The following ASH1L variants were observed in gnomAD, a reference collection of about 807,000 sequenced individuals.
ASH1L encodes ASH1 like histone lysine methyltransferase.
In ASH1L, 23 loss-of-function variants were observed where a neutral mutation model predicts 269.0. The observed-to-expected ratio is 0.09, with a 90% CI of 0.06 to 0.12. The LOEUF is 0.12. Among genes scored for constraint, ASH1L ranks in the 10% least tolerant of loss-of-function variants. The pLI, the probability that ASH1L is intolerant of heterozygous loss-of-function variation, is 1.00. For synonymous variants in ASH1L, 1,187 were observed against 1,253.5 expected (o/e 0.95, Z 1.12); for missense variants, 2,912 against 3,567.8 (o/e 0.82, Z 4.68).
intron 12 of ASH1L, among the ~76,000 whole-genome samples, chr1:155,365,209 CTTTG>C (rs1218619575): frequency 6.6e-6 from 1 of 151,664 alleles, no homozygotes; most frequent in African/African-American, 2.4e-5. Flanking sequence ...TTACTGACAG[CTTTG>C]TTTTTTTTTG....
chr1:155,479,240 T>A lies in ASH1L; in HGVS notation c.3630A>T (p.Thr1210=). ...CACAAAATTTCTCTGCCCTGTCTGATGTGCTGTTATTATCTGTTCCAATTC... is the reference window on the plus strand; with the variant it reads ...CACAAAATTTCTCTGCCCTGTCTGAAGTGCTGTTATTATCTGTTCCAATTC... The part of the protein sequence containing the change: ...DSGIGTDNNS[T]SDRAEKFCGQ... Residue 1210 remains threonine (T), a synonymous_variant, in exon 3 of 28, where the codon ACA becomes ACT. Transcript: ENST00000392403. The A allele has an allele frequency of 6.2e-7, 1 of 1,614,076 alleles. No individual in the cohort carries two copies. The highest frequency in any genetic ancestry group is 8.5e-7 in the Non-Finnish European group (1 of 1,180,004).
At chr1:155,344,385 C>T (rs890727055) in intron 21 of ASH1L, 112 bp from the exon 22 acceptor site, 1 of 755,932 alleles carries the variant, frequency 1.3e-6, no homozygotes, top group Non-Finnish European at 2.2e-6. Context: ...TTTCAATATA[C>T]CACAGATATA....
intron 4 of ASH1L, among the ~76,000 whole-genome samples, chr1:155,440,968 C>T (rs1662511533): frequency 6.6e-6 from 1 of 152,092 alleles, no homozygotes; most frequent in African/African-American, 2.4e-5. Context: ...AAGCTCAGGC[C>T]ACATCATTTA....
At chr1:155,417,071 C>T (rs1660279387) in intron 5 of ASH1L, among the ~76,000 whole-genome samples, 1 of 151,334 alleles carries the variant, frequency 6.6e-6, no homozygotes, top group African/African-American at 2.4e-5. Flanking sequence ...AGCTGGGATT[C>T]CAGGCATGTG....
At chr1:155,436,800 T>C (rs1662137301) in intron 5 of ASH1L, among the ~76,000 whole-genome samples, 1 of 151,960 alleles carries the variant, frequency 6.6e-6, no homozygotes, top group Admixed American at 6.6e-5. Flanking sequence ...TGGCCAAGAG[T>C]TTCTGGTTTT....
At chr1:155,410,729 T>C (rs1659694896) in intron 6 of ASH1L, among the ~76,000 whole-genome samples, 1 of 151,462 alleles carries the variant, frequency 6.6e-6, no homozygotes, top group African/African-American at 2.4e-5. Flanking sequence ...TCACCAAGAA[T>C]GATATACAGG....
chr1:155,487,943 AGTGGCG>A (rs1666439005), intron 2 of ASH1L, among the ~76,000 whole-genome samples: 1 of 149,510 alleles, frequency 6.7e-6, no homozygotes, highest in Admixed American at 6.7e-5. Flanking sequence ...GCAGGAGCGC[AGTGGCG>A]CCATCTCGGC....
In ASH1L at chr1:155,343,187, G is replaced by T; in HGVS notation, c.8293+127C>A. On this transcript the variant is annotated intron_variant, in intron 24 of 27. Transcript: ENST00000392403. The surrounding 1 kb of genome is among the most constrained non-coding windows in gnomAD (Gnocchi z 6.1). ...ACAGAGGCAGAGTTTTGCCACGTTGGCCAGGCTGGTCTCACACTCCTGGGC... is the reference window on the plus strand; with the variant it reads ...ACAGAGGCAGAGTTTTGCCACGTTGTCCAGGCTGGTCTCACACTCCTGGGC... 2.0e-6 allele frequency: 2 copies of T among 1,016,686 alleles called. No homozygotes were observed. The highest frequency in any genetic ancestry group is 2.5e-5 in the East Asian group (1 of 40,450). The allele number at this position is 1,016,686 out of a possible 1,614,324, so 63.0% of individuals were successfully genotyped here. A position where few individuals can be genotyped will look rare whatever the true frequency, so the allele number is the denominator to read the frequency against.
intron 7 of ASH1L, among the ~76,000 whole-genome samples, chr1:155,393,986 A>G (rs1658157235): frequency 6.6e-6 from 1 of 152,218 alleles, no homozygotes; most frequent in South Asian, 2.1e-4. Context: ...GAGGAGCCAA[A>G]TAAATATTGT....
intron 1 of ASH1L, among the ~76,000 whole-genome samples, chr1:155,544,749 T>C (rs1052110293): frequency 3.3e-5 from 5 of 152,118 alleles, no homozygotes; most frequent in African/African-American, 1.2e-4. Flanking sequence ...AAAGGATTAA[T>C]ATATCTTAAT....
At chr1:155,403,907 T>C (rs1456571410) in intron 6 of ASH1L, among the ~76,000 whole-genome samples, 2 of 138,628 alleles carry the variant, frequency 1.4e-5, no homozygotes, top group Admixed American at 1.5e-4. Context: ...AAAAAAAAAA[T>C]AGCCAGGTAT....
chr1:155,512,419 A>C (rs578147198), intron 2 of ASH1L, among the ~76,000 whole-genome samples: 3 of 149,292 alleles, frequency 2.0e-5, no homozygotes, highest in East Asian at 2.0e-4. Context: ...TCTGTCTTTT[A>C]AAAAAAAAGA....
intron 1 of ASH1L, among the ~76,000 whole-genome samples, chr1:155,554,156 T>C (rs1671419488): frequency 6.6e-6 from 1 of 150,922 alleles, no homozygotes; most frequent in East Asian, 2.0e-4. Flanking sequence ...GCGATTACAG[T>C]TTACTGCAGC....
intron 1 of ASH1L, among the ~76,000 whole-genome samples, chr1:155,551,276 C>CGG (rs201056970): frequency 2.0e-5 from 3 of 151,558 alleles, no homozygotes; most frequent in East Asian, 3.9e-4. Flanking sequence ...ATCTTTTCCT[C>CGG]GGGGGGGAAA....
At chr1:155,409,550 C>A (rs1027312594) in intron 6 of ASH1L, among the ~76,000 whole-genome samples, 1 of 152,240 alleles carries the variant, frequency 6.6e-6, no homozygotes. Context: ...AATGCTGGGA[C>A]AATAAGTGGG....
chr1:155,479,159 G>C lies in ASH1L; in HGVS notation c.3711C>G (p.Thr1237=), dbSNP rs1665776995. 6.2e-7 allele frequency: 1 copy of C among 1,614,082 alleles called. No individual in the cohort carries two copies. Among genetic ancestry groups the C allele is most frequent in the Non-Finnish European group, 8.5e-7 (1 of 1,180,008 alleles). Residue 1237 remains threonine (T), a synonymous_variant, in exon 3 of 28, where the codon ACC becomes ACG. Transcript: ENST00000392403. ...CTTTAAGACTGCTTAGCACTGTAGAGGTTTCAGGGGGAATCAGAGAAACAT... is the reference window on the plus strand; with the variant it reads ...CTTTAAGACTGCTTAGCACTGTAGACGTTTCAGGGGGAATCAGAGAAACAT... ...FEHVSLIPPE[T]STVLSSLKEK...
At chr1:155,339,425 T>G in intron 25 of ASH1L, 57 bp from the exon 26 acceptor site, 100 of 1,535,116 alleles carry the variant, frequency 6.5e-5, no homozygotes, top group Non-Finnish European at 8.7e-5. Context: ...GAGCTAGCTC[T>G]TCTCTGGGGC....
At chr1:155,351,153 G>A (rs1224013876) in intron 17 of ASH1L, among the ~76,000 whole-genome samples, 3 of 151,410 alleles carry the variant, frequency 2.0e-5, no homozygotes, top group African/African-American at 7.3e-5. Flanking sequence ...GCTGAGGCAG[G>A]AGAATTGCTT....
rs765282832 is a variant in ASH1L, at chr1:155,433,931, C to T, written c.5828+4396G>A. On this transcript the variant is annotated intron_variant, in intron 5 of 27. Transcript: ENST00000392403. ...AGGCAACCTGGAGAATTTGTTCCTG[C>T]AGTGCCCGAAACCCACACTGCAGCA... The T allele has an allele frequency of 2.5e-6, 4 of 1,584,692 alleles. No homozygotes were observed. The Admixed American group carries it at 5.4e-5, about 21-fold the overall frequency.
Sources: gnomAD v4.1 joint callset for allele counts (sites outside exome capture counted in the v4.1 genomes callset) on GRCh38, gnomAD v4.1.1 for gene constraint, Gnocchi (gnomAD v3.1) non-coding constraint, MANE v1.5 for transcripts, NCBI Gene and HGNC (gene_info 2026-07-23, HGNC 2026-07-21) for gene names.